Variants in SH2D3A observed in about 807,000 individuals in gnomAD.
SH2D3A encodes SH2 domain-containing protein 3A.
SH2D3A carries 46 observed loss-of-function variants against 50.6 expected under a neutral mutation model. That is an observed-to-expected ratio of 0.91 (90% confidence interval 0.72 to 1.16). The LOEUF (loss-of-function observed/expected upper bound fraction) is 1.16. Ranked by LOEUF, SH2D3A falls within the 50% of genes most tolerant of loss-of-function variation. The pLI is 0.00. For synonymous variants in SH2D3A, 377 were observed against 348.4 expected (o/e 1.08, Z -0.91); for missense variants, 783 against 786.2 (o/e 1.00, Z 0.05).
At chr19:6,761,289 A>G (rs1479542186) in intron 2 of SH2D3A, 1 of 336,084 alleles carries the variant, frequency 3.0e-6, no homozygotes, top group East Asian at 6.1e-5. Context: ...ACCCTGCTGC[A>G]CAATCTTATA....
chr19:6,753,949 C>G (rs546382502), intron 8 of SH2D3A, 103 bp downstream of exon 8: 2 of 1,363,264 alleles, frequency 1.5e-6, no homozygotes, highest in African/African-American at 1.5e-5. Flanking sequence ...GGTGAAGGGA[C>G]CGGGCCTAGA....
chr19:6,757,284 A>T, intron 4 of SH2D3A: 1 of 136,680 alleles, frequency 7.3e-6, no homozygotes, highest in Non-Finnish European at 1.6e-5. Context: ...AAATTGAGCC[A>T]TTGCACCCAG....
intron 1 of SH2D3A, among the ~76,000 whole-genome samples, chr19:6,766,796 G>C (rs935332024): frequency 5.3e-5 from 8 of 152,196 alleles, no homozygotes; most frequent in Admixed American, 6.5e-5. Flanking sequence ...TGATAAGCCA[G>C]GGAGATGTGA....
In SH2D3A at chr19:6,759,609, C is replaced by G. The variant is rs1568267234; in HGVS notation, c.481G>C (p.Asp161His). 1 of 1,614,030 alleles carries G rather than the reference C, an allele frequency of 6.2e-7. No homozygotes were observed. Among genetic ancestry groups the G allele is most frequent in the East Asian group, 2.2e-5 (1 of 44,868 alleles). Residue 161 changes from aspartate (D) to histidine (H), a missense_variant, in exon 4 of 10, where the codon GAC becomes CAC. Asp to His is a moderately conservative substitution (Grantham distance 81). Coordinates refer to ENST00000245908, the MANE Select transcript of SH2D3A (RefSeq NM_005490.3). The stretch of plus-strand genomic sequence containing the variant: ...AGACACTTACCCATCCCAGCGGGGT[C>G]TTCTCTTGACCGCCCCATATGTGCC... Reference protein sequence around the residue: ...DLAHMGRSREDPAGMEASTMP... With the variant: ...DLAHMGRSREHPAGMEASTMP...
rs1970149444 is a variant in SH2D3A, at chr19:6,763,673, G to T, written c.69+7C>A. 6.2e-7 allele frequency: 1 copy of T among 1,611,804 alleles called. No individual in the cohort carries two copies. Among genetic ancestry groups the T allele is most frequent in the Middle Eastern group, 1.7e-4 (1 of 5,878 alleles). ...AGATGGTGCTGAGGTCCTGCTGTGGGTGGTACCTGGCGGGACAGGAGGCCG... is the reference window on the plus strand; with the variant it reads ...AGATGGTGCTGAGGTCCTGCTGTGGTTGGTACCTGGCGGGACAGGAGGCCG... On this transcript the variant is annotated splice_region_variant and intron_variant, in intron 2 of 9. Transcript: ENST00000245908.
At chr19:6,753,989 A>AT in intron 8 of SH2D3A, 63 bp downstream of exon 8, 1 of 1,510,646 alleles carries the variant, frequency 6.6e-7, no homozygotes, top group South Asian at 1.3e-5. Flanking sequence ...ATAGGACTAG[A>AT]TTGAGTCCTG....
In SH2D3A at chr19:6,753,550, C is replaced by T; in HGVS notation, c.1476G>A (p.Glu492=). ...EGEEVAGPLD[E]SCERLLRTLH... ...GGGTGCGCAACAGCCGCTCACAGCT[C>T]TCGTCCAGCGGCCCCGCGACTTCCT... Residue 492 remains glutamate, a synonymous_variant, in exon 9 of 10, where the codon GAG becomes GAA. Coordinates refer to ENST00000245908, the MANE Select transcript of SH2D3A (RefSeq NM_005490.3). The T allele has an allele frequency of 1.3e-6, 2 of 1,571,978 alleles. No homozygotes were observed. The highest frequency in any genetic ancestry group is 1.3e-5 in the African/African-American group (1 of 74,164).
intron 1 of SH2D3A, among the ~76,000 whole-genome samples, chr19:6,765,341 C>G (rs540861219): frequency 6.6e-6 from 1 of 152,202 alleles, no homozygotes; most frequent in South Asian, 2.1e-4. Context: ...GAAAAAACAT[C>G]CCAGTCAGGG....
At chr19:6,761,118 A>T in intron 2 of SH2D3A, 131 bp from the exon 3 acceptor site, 1 of 706,122 alleles carries the variant, frequency 1.4e-6, no homozygotes, top group Non-Finnish European at 2.3e-6. Context: ...GCAGGCAAAG[A>T]CGGGGAACTT....
rs768947041 is a variant in SH2D3A at position 6,760,654 on chromosome 19, G to A, written c.403C>T (p.Arg135Trp). ...SEDTLMDGPARIEPLRARKWS... is the reference protein window; with the variant it reads ...SEDTLMDGPAWIEPLRARKWS... ...TGTGAGTACCTGAGAGGCTCTATCC[G>A]AGCTGGGCCATCCATCAGGGTGTCC... Residue 135 changes from arginine to tryptophan, a missense_variant, in exon 3 of 10, where the codon CGG (arginine) becomes TGG (tryptophan). Transcript: ENST00000245908. 9 of 1,590,126 alleles carry A rather than the reference G, an allele frequency of 5.7e-6. No homozygotes were observed. Among genetic ancestry groups the A allele is most frequent in the Non-Finnish European group, 7.7e-6 (9 of 1,165,106 alleles).
At chr19:6,758,053 T>C (rs1969795543) in intron 4 of SH2D3A, 1 of 152,230 alleles carries the variant, frequency 6.6e-6, no homozygotes. Context: ...TTTTTGTTTT[T>C]TCGGTTTTTT....
chr19:6,761,047 G>A, intron 2 of SH2D3A, 60 bp from the exon 3 acceptor site: 1 of 1,342,276 alleles, frequency 7.5e-7, no homozygotes, highest in South Asian at 1.4e-5. Context: ...GTGGTTAATG[G>A]TAGCTCCCCC....
chr19:6,760,148 G>A (rs1332995481), intron 3 of SH2D3A, among the ~76,000 whole-genome samples: 25 of 152,160 alleles, frequency 1.6e-4, no homozygotes, highest in Non-Finnish European at 3.1e-4. Flanking sequence ...GCCGAGGCGG[G>A]TGGATCACTT....
intron 8 of SH2D3A, 94 bp from the exon 9 acceptor site, chr19:6,753,735 G>A: frequency 7.8e-7 from 1 of 1,288,794 alleles, no homozygotes. Flanking sequence ...CGGGGCTTAG[G>A]ACTGAGCGAC....
In SH2D3A at chr19:6,754,284, C is replaced by T. The variant is rs1167820615; in HGVS notation, c.1239G>A (p.Leu413=). The T allele has an allele frequency of 1.3e-6, 2 of 1,586,996 alleles. No homozygotes were observed. The highest frequency in any genetic ancestry group is 1.7e-5 in the Admixed American group (1 of 58,252). ...RPGAAGDLPG[L]AAVMGALLMP... is the part of the protein sequence containing the mutation. ...TGAGCAGGGCGCCCATGACTGCAGC[C>T]AGCCCGGGCAGGTCCCCCGCCGCCC... is the stretch of plus-strand genomic sequence containing the variant. Residue 413 remains leucine (L), a synonymous_variant, in exon 7 of 10, where the codon CTG becomes CTA. Transcript: ENST00000245908.
Position 6,759,480 on chromosome 19 carries a change from T to A in SH2D3A, c.496+114A>T, listed in dbSNP as rs77311302. 8.6e-3 allele frequency: 7,679 copies of A among 891,722 alleles called. 417 individuals are homozygous for A. In the African/African-American group the frequency reaches 0.12, roughly 13 times the overall value. The allele number at this position is 891,722 out of a possible 1,614,324, so 55.2% of individuals were successfully genotyped here. ...TTTAAGTCATCGTGATTGTCATCATTTTCTAAAGCAAGAAATTGAGGCTCG... is the reference window on the plus strand; with the variant it reads ...TTTAAGTCATCGTGATTGTCATCATATTCTAAAGCAAGAAATTGAGGCTCG... On this transcript the variant is annotated intron_variant, in intron 4 of 9. Transcript: ENST00000245908.
At chr19:6,762,165 T>C (rs1182044446) in intron 2 of SH2D3A, among the ~76,000 whole-genome samples, 3 of 152,040 alleles carry the variant, frequency 2.0e-5, no homozygotes. Context: ...ACAAGGGTGG[T>C]AGGTATTATT....
intron 1 of SH2D3A, among the ~76,000 whole-genome samples, chr19:6,765,960 G>A (rs1437401782): frequency 6.6e-6 from 1 of 152,146 alleles, no homozygotes; most frequent in Non-Finnish European, 1.5e-5. Flanking sequence ...TGTGTCTCAG[G>A]TGTCTGGTGG....
chr19:6,760,882 G>A lies in SH2D3A; in HGVS notation c.175C>T (p.His59Tyr). 1.2e-6 allele frequency: 2 copies of A among 1,614,232 alleles called. No homozygotes were observed. Among genetic ancestry groups the A allele is most frequent in the Non-Finnish European group, 1.7e-6 (2 of 1,180,040 alleles). The change falls in exon 3 of 10, where the codon CAT becomes TAT. Residue 59 changes from histidine to tyrosine, a missense_variant. Physicochemically the swap from His to Tyr is moderately conservative, Grantham distance 83 (BLOSUM62 2). Coordinates refer to ENST00000245908, the MANE Select transcript of SH2D3A (RefSeq NM_005490.3). ...AGGGCCACACGGAACACCTCAAAAT[G>A]GAGGGCTGAGCCCCGCCAGCGGCAG... is the stretch of plus-strand genomic sequence containing the variant. ...ISCRWRGSAL[H>Y]FEVFRVALRP...
Sources: gnomAD v4.1 joint callset for allele counts (sites outside exome capture counted in the v4.1 genomes callset) on GRCh38, gnomAD v4.1.1 for gene constraint, MANE v1.5 for transcripts, NCBI Gene and HGNC (gene_info 2026-07-23, HGNC 2026-07-21) for gene names.